Variants in ATP8B4 observed in about 807,000 individuals in gnomAD.
ATP8B4 encodes probable phospholipid-transporting ATPase IM.
ATP8B4 carries 133 observed loss-of-function variants against 145.6 expected under a neutral mutation model. The ratio of observed to expected loss-of-function variants is 0.91; its 90% CI spans 0.79 to 1.05. The LOEUF is 1.05. ATP8B4 is among the 50% of genes least tolerant of loss of function. The pLI is 0.00. For missense variants in ATP8B4, 1,458 were observed against 1,425.2 expected, an observed-to-expected ratio of 1.02 and a Z score of -0.37; for synonymous variants, 507 against 492.9, an observed-to-expected ratio of 1.03 and a Z score of -0.38.
At chr15:49,994,356 C>T (rs908419135) in intron 9 of ATP8B4, among the ~76,000 whole-genome samples, 2 of 152,110 alleles carry the variant, frequency 1.3e-5, no homozygotes, top group African/African-American at 4.8e-5. Context: ...TAGGACTTTC[C>T]TTTGCCCTCC....
At chr15:49,923,555 T>C (rs2040450712) in intron 16 of ATP8B4, 61 bp from the exon 17 acceptor site, 10 of 1,198,422 alleles carry the variant, frequency 8.3e-6, no homozygotes, top group Admixed American at 2.1e-5. Flanking sequence ...AAAATTAGAT[T>C]CTCCCAGAGC....
At chr15:50,099,334 C>T (rs892810674) in intron 2 of ATP8B4, among the ~76,000 whole-genome samples, 9 of 152,088 alleles carry the variant, frequency 5.9e-5, no homozygotes, top group African/African-American at 2.2e-4. Flanking sequence ...GGCAGGAGTG[C>T]AGTAGCACAA....
intron 1 of ATP8B4, among the ~76,000 whole-genome samples, chr15:50,173,514 T>C (rs1052537334): frequency 1.3e-5 from 2 of 152,050 alleles, no homozygotes; most frequent in Non-Finnish European, 2.9e-5. Context: ...TTAAGAGTCA[T>C]CACCACTCCC....
intron 5 of ATP8B4, among the ~76,000 whole-genome samples, chr15:50,042,418 C>T (rs1438393206): frequency 6.6e-6 from 1 of 152,128 alleles, no homozygotes; most frequent in Admixed American, 6.6e-5. Flanking sequence ...CAAATCTTCC[C>T]ATATGTCTTC....
intron 1 of ATP8B4, among the ~76,000 whole-genome samples, chr15:50,138,314 A>ATAGG (rs1284167868): frequency 1.8e-4 from 24 of 131,694 alleles, no homozygotes; most frequent in African/African-American, 6.5e-4. Context: ...ACATATATAG[A>ATAGG]TAGATAGATA....
At chr15:49,900,948 G>T in intron 21 of ATP8B4, 144 bp downstream of exon 21, 1 of 1,067,976 alleles carries the variant, frequency 9.4e-7, no homozygotes, top group Non-Finnish European at 1.3e-6. Flanking sequence ...CTTTCCCTTT[G>T]CAAACAGGAA....
At chr15:49,862,164 G>C (rs560924255) in intron 27 of ATP8B4, 81 bp downstream of exon 27, 311 of 1,504,558 alleles carry the variant, frequency 2.1e-4, no homozygotes, top group Non-Finnish European at 2.5e-4. Context: ...GCCCATCTCT[G>C]AGCTTCCAAT....
At chr15:49,889,757 G>A (rs1324583729) in intron 23 of ATP8B4, among the ~76,000 whole-genome samples, 1 of 152,222 alleles carries the variant, frequency 6.6e-6, no homozygotes, top group Non-Finnish European at 1.5e-5. Flanking sequence ...GCAGACTGAT[G>A]TAGTAAAGAA....
At chr15:49,910,239 G>A (rs1317489833) in intron 20 of ATP8B4, among the ~76,000 whole-genome samples, 1 of 152,090 alleles carries the variant, frequency 6.6e-6, no homozygotes, top group Non-Finnish European at 1.5e-5. Context: ...CAATAGACTA[G>A]ATCAAGAAGA....
intron 1 of ATP8B4, among the ~76,000 whole-genome samples, chr15:50,156,526 T>C (rs1358968525): frequency 2.6e-5 from 4 of 152,134 alleles, no homozygotes; most frequent in East Asian, 3.8e-4. Flanking sequence ...TGGAATATCA[T>C]AAGCAGTGAG....
At chr15:49,962,166 G>T in intron 13 of ATP8B4, 146 bp from the exon 14 acceptor site, 2 of 594,298 alleles carry the variant, frequency 3.4e-6, no homozygotes, top group Non-Finnish European at 5.6e-6. Context: ...TTTTAGGAGT[G>T]CTTTCAAATT....
At chr15:50,101,309 G>A (rs1305925087) in intron 2 of ATP8B4, among the ~76,000 whole-genome samples, 4 of 152,060 alleles carry the variant, frequency 2.6e-5, no homozygotes, top group Non-Finnish European at 5.9e-5. Flanking sequence ...TGGGGTAAGT[G>A]TCATGATGTC....
At chr15:49,951,613 T>C (rs1349342255) in intron 14 of ATP8B4, among the ~76,000 whole-genome samples, 1 of 152,198 alleles carries the variant, frequency 6.6e-6, no homozygotes, top group African/African-American at 2.4e-5. Flanking sequence ...GTCTCCTGAA[T>C]ACAGCACACT....
intron 1 of ATP8B4, among the ~76,000 whole-genome samples, chr15:50,173,057 G>T (rs2044708621): frequency 6.9e-6 from 1 of 145,558 alleles, no homozygotes; most frequent in Non-Finnish European, 1.5e-5. Context: ...CGCCCGGCCA[G>T]CCTCCCCATC....
At chr15:49,879,592 T>C in intron 23 of ATP8B4, 133 bp from the exon 24 acceptor site, 1 of 719,242 alleles carries the variant, frequency 1.4e-6, no homozygotes, top group South Asian at 2.0e-5. Context: ...ATGAATTCTT[T>C]CCTAGACCTG....
At chr15:49,927,451 T>G (rs756899585) in intron 16 of ATP8B4, among the ~76,000 whole-genome samples, 10 of 152,104 alleles carry the variant, frequency 6.6e-5, no homozygotes, top group Non-Finnish European at 1.5e-4. Context: ...CTTGTTATCA[T>G]GCAAAGACTT....
At chr15:49,864,278 G>A (rs2032391390) in intron 26 of ATP8B4, among the ~76,000 whole-genome samples, 2 of 152,196 alleles carry the variant, frequency 1.3e-5, no homozygotes, top group Non-Finnish European at 2.9e-5. Flanking sequence ...AATTTCAGGT[G>A]CCTTTGCATC....
Position 49,918,870 on chromosome 15 carries a change from A to C in ATP8B4, c.2004T>G (p.Ile668Met). ...TGTCTCCTGTTAGGACCCAGATCTT[A>C]ATATTGGCTAGTGATAAACTTGTAA... ...ETVTSLSLAN[I>M]KIWVLTGDKQ... is the part of the protein sequence containing the mutation. The change falls in exon 19 of 28, where the codon ATT (isoleucine) becomes ATG (methionine). Residue 668 changes from isoleucine (I) to methionine (M), a missense_variant. Coordinates refer to ENST00000284509, the MANE Select transcript of ATP8B4 (RefSeq NM_024837.4). 1 of 1,613,186 alleles carries C rather than the reference A, an allele frequency of 6.2e-7. No individual in the cohort carries two copies. Among genetic ancestry groups the C allele is most frequent in the Non-Finnish European group, 8.5e-7 (1 of 1,179,270 alleles).
chr15:49,876,153 TA>T, intron 25 of ATP8B4, 124 bp downstream of exon 25: 2 of 1,323,434 alleles, frequency 1.5e-6, no homozygotes, highest in Non-Finnish European at 2.0e-6. Flanking sequence ...AATGTGTACT[TA>T]AAAGGACAGC....
Sources: allele counts gnomAD v4.1 joint callset (sites outside exome capture counted in the v4.1 genomes callset), GRCh38; gene constraint gnomAD v4.1.1; transcripts MANE v1.5; gene names NCBI Gene and HGNC (gene_info 2026-07-23, HGNC 2026-07-21).